Variants in FHIT observed in about 807,000 individuals in gnomAD.
FHIT encodes fragile histidine triad diadenosine triphosphatase, also known as bis(5'-adenosyl)-triphosphatase.
A neutral mutation model predicts 17.9 loss-of-function variants in FHIT; 19 were observed. That is an observed-to-expected ratio of 1.06 (90% CI 0.74 to 1.56). The LOEUF (loss-of-function observed/expected upper bound fraction) is 1.56. FHIT is among the 40% of genes most tolerant of loss of function. The probability of loss-of-function intolerance (pLI) is 0.00; values close to 1 mark genes in which losing one functional copy is unlikely to be tolerated. For synonymous variants in FHIT, 81 were observed against 69.7 expected (o/e 1.16, Z -0.81); for missense variants, 248 against 189.2 (o/e 1.31, Z -1.82).
At chr3:60,909,447 G>A (rs781993257) in intron 3 of FHIT, among the ~76,000 whole-genome samples, 11 of 151,768 alleles carry the variant, frequency 7.2e-5, no homozygotes, top group Non-Finnish European at 1.2e-4. Flanking sequence ...GTTGTGGAAC[G>A]GAAACATGTT....
intron 7 of FHIT, among the ~76,000 whole-genome samples, chr3:59,946,389 T>A (rs1407957980): frequency 6.6e-6 from 1 of 152,234 alleles, no homozygotes; most frequent in Non-Finnish European, 1.5e-5. Context: ...GAAACCTTGC[T>A]GAAGTTGTTT....
In FHIT at chr3:60,445,523, G is replaced by C. The variant is rs892387744; in HGVS notation, c.103+91337C>G. On this transcript the variant is annotated intron_variant, in intron 5 of 9. Coordinates refer to ENST00000492590, the MANE Select transcript of FHIT (RefSeq NM_002012.4). ...AAGTAATGGCTCTTCTCTTGGAACT[G>C]AGAGAAAGCTGACTCTGGTTTACGA... Among the ~76,000 whole-genome samples, 28 of 152,130 alleles carry C rather than the reference G, an allele frequency of 1.8e-4. No individual in the cohort carries two copies. The South Asian group carries it at 5.0e-3, about 27-fold the overall frequency.
chr3:60,831,923 T>A (rs553095685), intron 3 of FHIT, among the ~76,000 whole-genome samples: 126 of 152,188 alleles, frequency 8.3e-4, no homozygotes, highest in African/African-American at 2.7e-3. Flanking sequence ...GATTGTATAA[T>A]GGAAAAAAAT....
intron 5 of FHIT, among the ~76,000 whole-genome samples, chr3:60,431,715 A>C (rs111230888): frequency 0.046 from 7,014 of 152,082 alleles, 218 homozygotes; most frequent in Middle Eastern, 0.095. Context: ...ACATCCTGCA[A>C]CTTGGCTTAC....
intron 5 of FHIT, among the ~76,000 whole-genome samples, chr3:60,483,008 C>T (rs867401079): frequency 6.6e-6 from 1 of 151,946 alleles, no homozygotes; most frequent in Non-Finnish European, 1.5e-5. Context: ...TCACCACTGA[C>T]ACCACAGAAA....
intron 5 of FHIT, among the ~76,000 whole-genome samples, chr3:60,233,360 C>T (rs1704600426): frequency 6.6e-6 from 1 of 152,096 alleles, no homozygotes. Context: ...AGCCCTTTGC[C>T]ACCATAGGAC....
chr3:60,199,580 T>A (rs1401452579), intron 5 of FHIT, among the ~76,000 whole-genome samples: 3 of 152,162 alleles, frequency 2.0e-5, no homozygotes, highest in Non-Finnish European at 2.9e-5. Flanking sequence ...AGAGAATTAA[T>A]GTCAGGAGAA....
intron 5 of FHIT, among the ~76,000 whole-genome samples, chr3:60,305,587 T>C (rs1421097703): frequency 6.6e-6 from 1 of 152,142 alleles, no homozygotes; most frequent in Non-Finnish European, 1.5e-5. Flanking sequence ...ATCTTTCTAC[T>C]TGTTGTGAAT....
intron 8 of FHIT, among the ~76,000 whole-genome samples, chr3:59,781,658 T>A (rs1475163461): frequency 2.0e-5 from 3 of 152,266 alleles, no homozygotes; most frequent in African/African-American, 7.2e-5. Context: ...TTCATCCTGC[T>A]AATGCATTTT....
chr3:61,030,095 G>A (rs1239087517), intron 3 of FHIT, among the ~76,000 whole-genome samples: 4 of 151,942 alleles, frequency 2.6e-5, no homozygotes, highest in Non-Finnish European at 5.9e-5. Context: ...TCAGCCTCCC[G>A]ATTAGCTGGG....
At chr3:60,801,152 C>T (rs563135381) in intron 4 of FHIT, among the ~76,000 whole-genome samples, 10 of 152,202 alleles carry the variant, frequency 6.6e-5, no homozygotes, top group Non-Finnish European at 1.3e-4. Context: ...TAATGTGCTT[C>T]AGACATGTCT....
At chr3:60,188,212 T>C (rs899014822) in intron 5 of FHIT, among the ~76,000 whole-genome samples, 6 of 149,718 alleles carry the variant, frequency 4.0e-5, no homozygotes, top group African/African-American at 1.5e-4. Context: ...TCTTTCTTTT[T>C]TTTTTTTTTT....
chr3:60,029,113 T>C (rs9868731), intron 5 of FHIT, among the ~76,000 whole-genome samples: 35,345 of 152,148 alleles, frequency 0.23, 4,330 homozygotes, highest in East Asian at 0.47. Context: ...ACTAAATTAG[T>C]ATTAGTTCGT....
chr3:60,956,249 A>G (rs1709152144), intron 3 of FHIT, among the ~76,000 whole-genome samples: 1 of 152,210 alleles, frequency 6.6e-6, no homozygotes, highest in African/African-American at 2.4e-5. Flanking sequence ...TATAAAAAAC[A>G]AAACCCAACC....
chr3:60,623,124 C>A (rs558724117), intron 4 of FHIT, among the ~76,000 whole-genome samples: 2 of 152,178 alleles, frequency 1.3e-5, no homozygotes, highest in Non-Finnish European at 2.9e-5. Context: ...ACCTGGCACA[C>A]ATAGTAGATA....
At chr3:60,870,469 C>G (rs1704366511) in intron 3 of FHIT, among the ~76,000 whole-genome samples, 1 of 152,062 alleles carries the variant, frequency 6.6e-6, no homozygotes, top group Admixed American at 6.6e-5. Context: ...CACGGCACCC[C>G]TACTGTGGAA....
At chr3:60,078,538 T>G (rs1703134188) in intron 5 of FHIT, among the ~76,000 whole-genome samples, 2 of 152,084 alleles carry the variant, frequency 1.3e-5, no homozygotes, top group African/African-American at 4.8e-5. Flanking sequence ...ACAGGACAAC[T>G]AAACACAATG....
At chr3:60,009,554 G>C (rs1447956076) in intron 7 of FHIT, among the ~76,000 whole-genome samples, 1 of 151,790 alleles carries the variant, frequency 6.6e-6, no homozygotes, top group African/African-American at 2.4e-5. Flanking sequence ...ATTACTATTG[G>C]AGTTACACAA....
chr3:60,731,816 T>G (rs1443681147), intron 4 of FHIT, among the ~76,000 whole-genome samples: 1 of 152,184 alleles, frequency 6.6e-6, no homozygotes, highest in Non-Finnish European at 1.5e-5. Context: ...TCTTAACAAC[T>G]GCCTGACCAT....
Sources: allele counts gnomAD v4.1 joint callset (sites outside exome capture counted in the v4.1 genomes callset), GRCh38; gene constraint gnomAD v4.1.1; transcripts MANE v1.5; gene names NCBI Gene and HGNC (gene_info 2026-07-23, HGNC 2026-07-21).